The following OLAH variants were observed in gnomAD, a reference collection of about 807,000 sequenced individuals.
OLAH encodes the protein oleoyl-ACP hydrolase, also known as S-acyl fatty acid synthase thioesterase, medium chain.
Under a neutral mutation model 27.8 loss-of-function variants are expected in OLAH, and 33 were observed. The ratio of observed to expected loss-of-function variants is 1.19; its 90% CI spans 0.90 to 1.59. The LOEUF (loss-of-function observed/expected upper bound fraction) is 1.59, where lower values mean the gene tolerates loss of function less well. OLAH is among the 40% of genes most tolerant of loss of function. The pLI is 0.00. For missense variants in OLAH, 359 were observed against 310.8 expected (o/e 1.16, Z -1.17); for synonymous variants, 120 against 102.9 (o/e 1.17, Z -1.01).
upstream of OLAH, among the ~76,000 whole-genome samples, chr10:15,041,051 C>T (rs1284685380): frequency 6.6e-6 from 1 of 152,194 alleles, no homozygotes; most frequent in Non-Finnish European, 1.5e-5. Context: ...AATGTTGGTG[C>T]TCAGTCCAAA....
chr10:15,065,884 G>T, intron 6 of OLAH, 131 bp downstream of exon 6: 1 of 743,222 alleles, frequency 1.3e-6, no homozygotes, highest in Non-Finnish European at 2.2e-6. Flanking sequence ...TTCCTTTGGG[G>T]CCACCTATGG....
chr10:15,059,902 T>C (rs1295440312), intron 3 of OLAH, among the ~76,000 whole-genome samples: 2 of 152,252 alleles, frequency 1.3e-5, no homozygotes, highest in Non-Finnish European at 2.9e-5. Flanking sequence ...TTTTATCAAG[T>C]GTTTTTAGCA....
At chr10:15,070,226 C>A (rs551417741) in intron 6 of OLAH, among the ~76,000 whole-genome samples, 13 of 151,362 alleles carry the variant, frequency 8.6e-5, no homozygotes, top group Admixed American at 8.6e-4. Context: ...AGGAGCAAAT[C>A]CTTGCTGGGA....
At chr10:15,062,080 A>C in intron 4 of OLAH, 1 of 443,828 alleles carries the variant, frequency 2.3e-6, no homozygotes, top group South Asian at 5.1e-5. Flanking sequence ...CACTTGTAAA[A>C]CCAAGACTTT....
intron 3 of OLAH, among the ~76,000 whole-genome samples, chr10:15,061,311 T>C (rs953383370): frequency 2.6e-5 from 4 of 152,196 alleles, no homozygotes; most frequent in Admixed American, 2.6e-4. Flanking sequence ...CTTAGCTTTG[T>C]GTAAAGGACT....
rs1589238773 is a variant in OLAH at position 15,046,115 on chromosome 10, G to A, written c.-163-1011G>A. ...AATCCCAGCACTTTGGGAGGCTGAC[G>A]TGGGTGGATCACTTGAGGTCAGGAG... On this transcript the variant is annotated intron_variant, in intron 1 of 7. Coordinates refer to ENST00000378228, the MANE Select transcript of OLAH (RefSeq NM_001039702.3). Among the ~76,000 whole-genome samples, 3 of 152,114 alleles carry A rather than the reference G, an allele frequency of 2.0e-5. No homozygotes were observed. In the South Asian group the frequency reaches 6.2e-4, roughly 32 times the overall value.
chr10:15,047,277 T>A lies in OLAH; in HGVS notation c.-12T>A. On this transcript the variant is annotated 5_prime_UTR_variant, in exon 2 of 8. Transcript: ENST00000378228. ...CACAGAGACCAGCCATCTTGCAACC[T>A]CACCTCACAGCATGGAGAGAGGAGA... 15 of 1,613,138 alleles carry A rather than the reference T, an allele frequency of 9.3e-6. No individual in the cohort carries two copies. Among genetic ancestry groups the A allele is most frequent in the Non-Finnish European group, 1.3e-5 (15 of 1,179,586 alleles).
chr10:15,059,398 C>T (rs1844318384), intron 3 of OLAH, among the ~76,000 whole-genome samples: 1 of 151,556 alleles, frequency 6.6e-6, no homozygotes. Flanking sequence ...CTTCATTGCC[C>T]AGGCTGTCTC....
chr10:15,066,662 A>G (rs1844475041), intron 6 of OLAH, among the ~76,000 whole-genome samples: 1 of 147,526 alleles, frequency 6.8e-6, no homozygotes, highest in Non-Finnish European at 1.5e-5. Flanking sequence ...TATTTTTGAG[A>G]TGGAGTCTCA....
intron 6 of OLAH, among the ~76,000 whole-genome samples, chr10:15,066,096 C>T (rs1844461431): frequency 6.6e-6 from 1 of 152,036 alleles, no homozygotes; most frequent in Non-Finnish European, 1.5e-5. Context: ...CAAAAATAAG[C>T]CAGATGTGAT....
At chr10:15,049,561 A>G (rs1844091100) in intron 2 of OLAH, 74 bp from the exon 3 acceptor site, 7 of 967,918 alleles carry the variant, frequency 7.2e-6, no homozygotes, top group Middle Eastern at 4.7e-4. Context: ...GATTTCCATT[A>G]AAACACAGGT....
At chr10:15,041,260 CT>C (rs1295837872), upstream of OLAH, among the ~76,000 whole-genome samples, 1 of 150,856 alleles carries the variant, frequency 6.6e-6, no homozygotes, top group Admixed American at 6.6e-5. Flanking sequence ...CATTCCACAC[CT>C]TTTTTTATTT....
At chr10:15,070,554 G>A (rs1564536055) in intron 6 of OLAH, among the ~76,000 whole-genome samples, 2 of 151,588 alleles carry the variant, frequency 1.3e-5, no homozygotes, top group African/African-American at 4.9e-5. Flanking sequence ...GTGTGATCTT[G>A]GCTCACCGCA....
chr10:15,064,927 G>C (rs1334642788), intron 5 of OLAH, among the ~76,000 whole-genome samples: 1 of 152,168 alleles, frequency 6.6e-6, no homozygotes, highest in Non-Finnish European at 1.5e-5. Context: ...AAAGTGCTGG[G>C]ATTACAGGTG....
chr10:15,056,503 T>C lies in OLAH; in HGVS notation c.164-5221T>C, dbSNP rs117740680. ...CTCTGTGCATGAAATTATTCTAACT[T>C]TACATTGATTAACCCTTATTACAAG... On this transcript the variant is annotated intron_variant, in intron 3 of 7. Transcript: ENST00000378228. Among the ~76,000 whole-genome samples, 1,265 of 152,360 alleles carry C rather than the reference T, an allele frequency of 8.3e-3. 11 individuals carry two copies. Among genetic ancestry groups the C allele is most frequent in the South Asian group, 0.035 (168 of 4,828 alleles).
intron 6 of OLAH, among the ~76,000 whole-genome samples, chr10:15,070,168 A>C (rs1192703432): frequency 6.9e-6 from 1 of 144,626 alleles, no homozygotes; most frequent in African/African-American, 2.6e-5. Context: ...TTTTCCTCTC[A>C]TTGTTAGGAT....
rs780217403 is a variant in OLAH, at chr10:15,049,596, A to G, written c.33-39A>G. 7.5e-6 allele frequency: 10 copies of G among 1,333,402 alleles called. No homozygotes were observed. In the Middle Eastern group the frequency reaches 7.4e-4, roughly 99 times the overall value. 82.6% of individuals were successfully genotyped at this position (1,333,402 alleles called of 1,614,324 possible). A position where few individuals can be genotyped will look rare whatever the true frequency, so the allele number is the denominator to read the frequency against. ...TAATTCAGTATAGGGAACTTAATTG[A>G]TATACATAATGTTAAATATATTTGA... On this transcript the variant is annotated intron_variant, in intron 2 of 7. Coordinates refer to ENST00000378228, the MANE Select transcript of OLAH (RefSeq NM_001039702.3).
intron 1 of OLAH, among the ~76,000 whole-genome samples, chr10:15,037,882 G>T (rs1356905583): frequency 6.6e-6 from 1 of 152,234 alleles, no homozygotes; most frequent in Non-Finnish European, 1.5e-5. Context: ...ATAGCCAAGT[G>T]TTCTCTATAC....
intron 6 of OLAH, among the ~76,000 whole-genome samples, chr10:15,067,520 C>CA (rs1844492905): frequency 6.6e-6 from 1 of 152,092 alleles, no homozygotes; most frequent in South Asian, 2.1e-4. Context: ...TTTTTCACTC[C>CA]AAAGAAACCT....
Sources: gnomAD v4.1 joint callset for allele counts (sites outside exome capture counted in the v4.1 genomes callset) on GRCh38, gnomAD v4.1.1 for gene constraint, MANE v1.5 for transcripts, NCBI Gene and HGNC (gene_info 2026-07-23, HGNC 2026-07-21) for gene names.